BICD1: variants seen among roughly 807,000 people sequenced by gnomAD.
The protein encoded by BICD1 is protein bicaudal D homolog 1.
A neutral mutation model predicts 92.5 loss-of-function variants in BICD1; 35 were observed. The observed-to-expected ratio is 0.38, with a 90% CI of 0.29 to 0.50. The LOEUF (loss-of-function observed/expected upper bound fraction) is 0.50. BICD1 is among the 20% of genes least tolerant of loss of function. The probability of loss-of-function intolerance (pLI) is 0.93; values close to 1 mark genes in which losing one functional copy is unlikely to be tolerated. For synonymous variants in BICD1, 429 were observed against 465.1 expected (o/e 0.92, Z 1.00); for missense variants, 950 against 1,189.8 (o/e 0.80, Z 2.97).
rs1215779236 is a variant in BICD1, at chr12:32,342,222, A to G, written c.2764+3243A>G. Among the ~76,000 whole-genome samples the G allele has an allele frequency of 1.6e-3, 230 of 144,298 alleles. 2 individuals carry two copies. In the East Asian group the frequency reaches 0.023, roughly 14 times the overall value. The allele number at this position is 144,298 out of a possible 152,430, so 94.7% of individuals were successfully genotyped here. On this transcript the variant is annotated intron_variant, in intron 8 of 9. Coordinates refer to ENST00000652176, the MANE Select transcript of BICD1 (RefSeq NM_001714.4). ...TGTGTGTGTATATATATATATATAT[A>G]TATATATATATGTATAGTTTTGGGG...
intron 2 of BICD1, among the ~76,000 whole-genome samples, chr12:32,248,743 G>A (rs934770164): frequency 6.6e-6 from 1 of 152,164 alleles, no homozygotes; most frequent in East Asian, 1.9e-4. Flanking sequence ...AATTAGGCAC[G>A]TGGACACCAG....
chr12:32,319,805 C>T (rs996555100), intron 4 of BICD1, among the ~76,000 whole-genome samples: 5 of 152,090 alleles, frequency 3.3e-5, no homozygotes, highest in Non-Finnish European at 5.9e-5. Context: ...AAACTCCTGA[C>T]CTCAAGTGAT....
At chr12:32,200,417 A>G (rs1944873647) in intron 1 of BICD1, among the ~76,000 whole-genome samples, 1 of 152,184 alleles carries the variant, frequency 6.6e-6, no homozygotes, top group South Asian at 2.1e-4. Context: ...CCCTCTCCTT[A>G]AACTACTTTT....
intron 8 of BICD1, among the ~76,000 whole-genome samples, chr12:32,346,633 T>TATATATAC (rs1938634343): frequency 2.8e-4 from 5 of 18,080 alleles, no homozygotes; most frequent in Non-Finnish European, 1.8e-4. Flanking sequence ...TATATATATA[T>TATATATAC]ACGTGTATAT....
intron 2 of BICD1, among the ~76,000 whole-genome samples, chr12:32,275,353 A>G (rs536665477): frequency 1.2e-4 from 18 of 152,256 alleles, no homozygotes; most frequent in Non-Finnish European, 2.1e-4. Context: ...GGGAGTGAGG[A>G]TGGGAAGTAG....
At chr12:32,130,642 A>G (rs984440700) in intron 1 of BICD1, among the ~76,000 whole-genome samples, 9 of 152,276 alleles carry the variant, frequency 5.9e-5, no homozygotes, top group African/African-American at 2.2e-4. Context: ...CACAGAAGCC[A>G]TAGGTGATTG....
chr12:32,312,854 G>A (rs1468725135), intron 4 of BICD1, among the ~76,000 whole-genome samples: 1 of 152,136 alleles, frequency 6.6e-6, no homozygotes, highest in Non-Finnish European at 1.5e-5. Flanking sequence ...AGTATTATCG[G>A]ATAAATTATT....
intron 1 of BICD1, among the ~76,000 whole-genome samples, chr12:32,153,940 C>T (rs1330193734): frequency 6.6e-6 from 1 of 151,862 alleles, no homozygotes; most frequent in Non-Finnish European, 1.5e-5. Context: ...GTCTGGTCAC[C>T]ATCACTGAAT....
At chr12:32,327,339 A>G in intron 4 of BICD1, 122 bp from the exon 5 acceptor site, 1 of 1,190,404 alleles carries the variant, frequency 8.4e-7, no homozygotes, top group Non-Finnish European at 1.2e-6. Flanking sequence ...TTAATTTGAA[A>G]TAGTGGGAAC....
intron 1 of BICD1, among the ~76,000 whole-genome samples, chr12:32,174,319 T>C (rs926883119): frequency 6.6e-6 from 1 of 152,170 alleles, no homozygotes; most frequent in Non-Finnish European, 1.5e-5. Flanking sequence ...TTCTAAAGTT[T>C]TAATATTGTA....
Position 32,338,913 on chromosome 12 carries a change from T to C in BICD1, c.2698T>C (p.Ser900Pro). The C allele has an allele frequency of 6.2e-7, 1 of 1,608,260 alleles. No homozygotes were observed. Among genetic ancestry groups the C allele is most frequent in the Non-Finnish European group, 8.5e-7 (1 of 1,177,672 alleles). The change falls in exon 8 of 10, where the codon TCC (serine) becomes CCC (proline). Residue 900 changes from serine (S) to proline (P), a missense_variant. By Grantham distance (74) the Ser-to-Pro change is moderately conservative. Coordinates refer to ENST00000652176, the MANE Select transcript of BICD1 (RefSeq NM_001714.4). ...ATCATTTCTTCTGAAGGGCCCCCCT[T>C]CCATGAGTGAATTCATCCAAGGGCA... ...TESFLLKGPP[S>P]MSEFIQGHRL... is the part of the protein sequence containing the mutation.
chr12:32,229,464 A>G (rs1232084215), intron 2 of BICD1, among the ~76,000 whole-genome samples: 2 of 152,268 alleles, frequency 1.3e-5, no homozygotes, highest in Non-Finnish European at 2.9e-5. Context: ...AAGGTAGACA[A>G]TGCTTTCTGA....
At chr12:32,311,559 G>A (rs1274824121) in intron 4 of BICD1, among the ~76,000 whole-genome samples, 1 of 152,152 alleles carries the variant, frequency 6.6e-6, no homozygotes, top group Non-Finnish European at 1.5e-5. Context: ...AGCTCACAGC[G>A]GGGGCTTCCA....
chr12:32,371,550 TTTTG>T (rs1474968267), intron 9 of BICD1, among the ~76,000 whole-genome samples: 1 of 152,056 alleles, frequency 6.6e-6, no homozygotes, highest in African/African-American at 2.4e-5. Context: ...TTGTTGTTGT[TTTTG>T]TTTGTTTGGT....
At chr12:32,197,157 C>T (rs997977482) in intron 1 of BICD1, among the ~76,000 whole-genome samples, 1 of 151,950 alleles carries the variant, frequency 6.6e-6, no homozygotes, top group Non-Finnish European at 1.5e-5. Flanking sequence ...TACAGGCATA[C>T]TTCACCATGC....
chr12:32,253,361 A>G (rs1006722021), intron 2 of BICD1, among the ~76,000 whole-genome samples: 3 of 152,142 alleles, frequency 2.0e-5, no homozygotes, highest in Non-Finnish European at 1.5e-5. Flanking sequence ...TACTTTCCAA[A>G]TCTGACTCAT....
intron 4 of BICD1, among the ~76,000 whole-genome samples, chr12:32,316,128 C>T (rs1249567100): frequency 2.9e-5 from 2 of 69,840 alleles, no homozygotes; most frequent in South Asian, 1.3e-3. Flanking sequence ...AGAGTGAGAC[C>T]CTGTCTCAAA....
At chr12:32,332,697 C>A in intron 5 of BICD1, 1 of 356,792 alleles carries the variant, frequency 2.8e-6, no homozygotes, top group Non-Finnish European at 3.9e-6. Flanking sequence ...AAAGACTTCA[C>A]AGAAGCAATT....
intron 8 of BICD1, among the ~76,000 whole-genome samples, chr12:32,355,810 A>AT (rs1365285216): frequency 6.6e-6 from 1 of 151,874 alleles, no homozygotes; most frequent in East Asian, 1.9e-4. Flanking sequence ...TCTGTCTCAA[A>AT]AAAAAAAAAG....
Sources: allele counts gnomAD v4.1 joint callset (sites outside exome capture counted in the v4.1 genomes callset), GRCh38; gene constraint gnomAD v4.1.1; transcripts MANE v1.5; gene names NCBI Gene and HGNC (gene_info 2026-07-23, HGNC 2026-07-21).